SNX27: variants seen among roughly 807,000 people sequenced by gnomAD.
The protein encoded by SNX27 is sorting nexin-27.
Under a neutral mutation model 71.6 loss-of-function variants are expected in SNX27, and 22 were observed. That is an observed-to-expected ratio of 0.31 (90% CI 0.22 to 0.44). The LOEUF (loss-of-function observed/expected upper bound fraction) is 0.44. Among genes scored for constraint, SNX27 ranks in the 20% least tolerant of loss-of-function variants. The pLI is 1.00. For missense variants in SNX27, 531 were observed against 698.6 expected, an observed-to-expected ratio of 0.76 and a Z score of 2.70; for synonymous variants, 269 against 277.2, an observed-to-expected ratio of 0.97 and a Z score of 0.29.
At position 151,639,136 on chromosome 1, in the gene SNX27, C is replaced by G; in HGVS notation, c.543+17C>G. 6.3e-7 allele frequency: 1 copy of G among 1,592,604 alleles called. No homozygotes were observed. Among genetic ancestry groups the G allele is most frequent in the Non-Finnish European group, 8.6e-7 (1 of 1,162,700 alleles). ...AAGTTTGTGGTGAGTGTCAGCCCAA[C>G]TCGATCCTCGAACATCTAGCTTTGT... On this transcript the variant is annotated intron_variant, in intron 2 of 11. Transcript: ENST00000458013.
At chr1:151,627,917 T>C (rs1553256094) in intron 1 of SNX27, among the ~76,000 whole-genome samples, 2 of 152,132 alleles carry the variant, frequency 1.3e-5, no homozygotes, top group Admixed American at 6.6e-5. Flanking sequence ...TGTCATATAA[T>C]TGGAATAATA....
At chr1:151,619,011 CA>C (rs35003953) in intron 1 of SNX27, among the ~76,000 whole-genome samples, 46,592 of 139,702 alleles carry the variant, frequency 0.33, 7,392 homozygotes, top group Middle Eastern at 0.44. Context: ...AATATATATG[CA>C]AAAAAAAAAA....
In SNX27 at chr1:151,698,945, C is replaced by T. The variant is rs1247468527; in HGVS notation, c.*4528C>T. Reference sequence around the variant, plus strand: ...TTAAGAAATGTGAAGAGAAAATACACAGACACAATAATGGCTAACATTGTT... The same window carrying T: ...TTAAGAAATGTGAAGAGAAAATACATAGACACAATAATGGCTAACATTGTT... On this transcript the variant is annotated 3_prime_UTR_variant, in exon 12 of 12. Transcript: ENST00000458013. 6.5e-6 allele frequency: 1 copy of T among 152,772 alleles called. No homozygotes were observed. The highest frequency in any genetic ancestry group is 6.5e-5 in the Admixed American group (1 of 15,304). The allele number at this position is 152,772 out of a possible 1,614,324, so 9.5% of individuals were successfully genotyped here. A position where few individuals can be genotyped will look rare whatever the true frequency, so the allele number is the denominator to read the frequency against.
chr1:151,659,228 T>C (rs907286976), intron 3 of SNX27, among the ~76,000 whole-genome samples: 3 of 151,882 alleles, frequency 2.0e-5, no homozygotes, highest in African/African-American at 7.3e-5. Flanking sequence ...AATACTTCTG[T>C]ATTGAATTTT....
intron 4 of SNX27, chr1:151,661,102 C>A: frequency 2.3e-6 from 1 of 427,184 alleles, no homozygotes; most frequent in Non-Finnish European, 4.3e-6. Flanking sequence ...ATCAATTTTT[C>A]ATTCCACCAA....
At chr1:151,628,272 A>C (rs945569498) in intron 1 of SNX27, among the ~76,000 whole-genome samples, 1 of 152,036 alleles carries the variant, frequency 6.6e-6, no homozygotes, top group Non-Finnish European at 1.5e-5. Flanking sequence ...CTACCTAAGT[A>C]CTGGGATTGC....
Position 151,612,322 on chromosome 1 carries a change from C to A in SNX27, c.121C>A (p.Pro41Thr). The A allele has an allele frequency of 1.3e-6, 2 of 1,525,934 alleles. No homozygotes were observed. The highest frequency in any genetic ancestry group is 8.8e-7 in the Non-Finnish European group (1 of 1,141,402). The allele number at this position is 1,525,934 out of a possible 1,614,324, so 94.5% of individuals were successfully genotyped here. A position where few individuals can be genotyped will look rare whatever the true frequency, so the allele number is the denominator to read the frequency against. ...AGNGGGGGGG[P>T]RVVRIVKSES... ...GAACGGCGGCGGGGGAGGCGGCGGC[C>A]CGCGGGTCGTGCGCATCGTCAAGTC... Residue 41 changes from proline (P) to threonine (T), a missense_variant, in exon 1 of 12, where the codon CCG becomes ACG. Physicochemically the swap from Pro to Thr is conservative, Grantham distance 38 (BLOSUM62 -1). Transcript: ENST00000458013. This position sits in a 1 kb window ranked among gnomAD's most constrained non-coding sequence, Gnocchi z 5.2.
intron 7 of SNX27, chr1:151,676,585 T>G (rs1280364368): frequency 1.3e-5 from 2 of 152,082 alleles, no homozygotes; most frequent in Non-Finnish European, 2.9e-5. Flanking sequence ...AGATTACAGG[T>G]GTGAGCCACC....
rs752654671 is a variant in SNX27 at position 151,692,994 on chromosome 1, A to G, written c.1473A>G (p.Ala491=). 5 of 1,614,190 alleles carry G rather than the reference A, an allele frequency of 3.1e-6. No individual in the cohort carries two copies. The highest frequency in any genetic ancestry group is 4.2e-6 in the Non-Finnish European group (5 of 1,180,026). The change falls in exon 10 of 12, where the codon GCA becomes GCG. Residue 491 remains alanine, a synonymous_variant. Transcript: ENST00000458013. ...EEGMAFCFEY[A]RGEKKPRWVK... ...GGATGGCCTTCTGTTTCGAATATGC[A>G]CGAGGAGAGAAGAAGCCCCGATGGG... is the stretch of plus-strand genomic sequence containing the variant.
At chr1:151,681,206 A>G (rs914018169) in intron 7 of SNX27, among the ~76,000 whole-genome samples, 4 of 146,714 alleles carry the variant, frequency 2.7e-5, no homozygotes, top group African/African-American at 1.0e-4. Flanking sequence ...GGTAGGTGAC[A>G]GAACTAGAAG....
At position 151,644,495 on chromosome 1, in the gene SNX27, C is replaced by G. The variant is rs748854593; in HGVS notation, c.543+5376C>G. Among the ~76,000 whole-genome samples the G allele has an allele frequency of 2.0e-4, 30 of 152,198 alleles. No individual in the cohort carries two copies. In the East Asian group the frequency reaches 5.4e-3, roughly 27 times the overall value. On this transcript the variant is annotated intron_variant, in intron 2 of 11. Coordinates refer to ENST00000458013, the MANE Select transcript of SNX27 (RefSeq NM_001330723.2). Reference sequence around the variant, plus strand: ...TTAACATTCCATTATATGGATATACCACTTTTATTTATCCATTCTTCAATT... The same window carrying G: ...TTAACATTCCATTATATGGATATACGACTTTTATTTATCCATTCTTCAATT...
chr1:151,617,878 GTTTT>G (rs35075644), intron 1 of SNX27, among the ~76,000 whole-genome samples: 2,873 of 116,360 alleles, frequency 0.025, 110 homozygotes, highest in African/African-American at 0.083. Flanking sequence ...TTTTAGAGCT[GTTTT>G]TTTTTTTTTT....
intron 1 of SNX27, chr1:151,615,739 A>G (rs1558030848): frequency 1.5e-5 from 15 of 983,458 alleles, no homozygotes; most frequent in Non-Finnish European, 1.7e-5. Flanking sequence ...AGATTCTTCT[A>G]TTGTGTTTAC....
chr1:151,643,786 G>A (rs185693158), intron 2 of SNX27, among the ~76,000 whole-genome samples: 2 of 151,750 alleles, frequency 1.3e-5, no homozygotes, highest in Admixed American at 6.6e-5. Context: ...TCAGCCTCCC[G>A]AGTAGTTGTG....
At chr1:151,693,556 A>G in intron 11 of SNX27, 73 bp downstream of exon 11, 1 of 1,612,848 alleles carries the variant, frequency 6.2e-7, no homozygotes, top group Non-Finnish European at 8.5e-7. Flanking sequence ...CTGTGGCCAA[A>G]TACCTGGGAC....
chr1:151,690,599 C>G (rs531553336), intron 8 of SNX27, among the ~76,000 whole-genome samples: 1 of 151,526 alleles, frequency 6.6e-6, no homozygotes, highest in Non-Finnish European at 1.5e-5. Flanking sequence ...TACAGGTGCC[C>G]GGCAAATTTT....
At chr1:151,658,023 A>G (rs1209303588) in intron 2 of SNX27, among the ~76,000 whole-genome samples, 1 of 152,034 alleles carries the variant, frequency 6.6e-6, no homozygotes, top group African/African-American at 2.4e-5. Flanking sequence ...AAAAACAAAA[A>G]CAAGATCATG....
At chr1:151,639,170 G>T in intron 2 of SNX27, 51 bp downstream of exon 2, 1 of 1,500,562 alleles carries the variant, frequency 6.7e-7, no homozygotes, top group African/African-American at 1.4e-5. Context: ...GTTTCCCCTA[G>T]TCTTATAATT....
chr1:151,654,600 C>T (rs1310017558), intron 2 of SNX27, among the ~76,000 whole-genome samples: 1 of 152,104 alleles, frequency 6.6e-6, no homozygotes, highest in East Asian at 1.9e-4. Flanking sequence ...GTTTTCACTG[C>T]TTTAATAGAA....
Sources: allele counts gnomAD v4.1 joint callset (sites outside exome capture counted in the v4.1 genomes callset), GRCh38; gene constraint gnomAD v4.1.1; non-coding constraint Gnocchi (gnomAD v3.1); transcripts MANE v1.5; gene names NCBI Gene and HGNC (gene_info 2026-07-23, HGNC 2026-07-21).